IFT88: variants seen among roughly 807,000 people sequenced by gnomAD.
IFT88 encodes intraflagellar transport 88, also known as intraflagellar transport protein 88 homolog.
In IFT88, 74 loss-of-function variants were observed where a neutral mutation model predicts 119.5. The observed-to-expected ratio is 0.62, with a 90% CI of 0.51 to 0.75. The LOEUF (loss-of-function observed/expected upper bound fraction) is 0.75, where lower values mean the gene tolerates loss of function less well. Ranked by LOEUF, IFT88 falls within the 30% of genes least tolerant of loss-of-function variation. IFT88 has a pLI of 0.00. For synonymous variants in IFT88, 279 were observed against 316.7 expected (o/e 0.88, Z 1.26); for missense variants, 961 against 977.7 (o/e 0.98, Z 0.23).
chr13:20,654,281 CGGCCAA>C (rs1022096315), intron 21 of IFT88, among the ~76,000 whole-genome samples: 1 of 152,080 alleles, frequency 6.6e-6, no homozygotes, highest in Non-Finnish European at 1.5e-5. Context: ...CCTGTGTGCT[CGGCCAA>C]ATTTATGACA....
intron 2 of IFT88, among the ~76,000 whole-genome samples, chr13:20,578,574 A>G (rs2037929737): frequency 1.3e-5 from 2 of 151,510 alleles, no homozygotes; most frequent in Admixed American, 1.3e-4. Context: ...TTTGAGACAG[A>G]GTCTCGCTCT....
chr13:20,644,565 C>T (rs142717363), intron 19 of IFT88, among the ~76,000 whole-genome samples: 99 of 151,934 alleles, frequency 6.5e-4, no homozygotes, highest in African/African-American at 2.1e-3. Flanking sequence ...TCTTGAGGCA[C>T]GATTTGCATC....
chr13:20,646,979 A>G (rs1025517189), intron 20 of IFT88, among the ~76,000 whole-genome samples: 2 of 152,014 alleles, frequency 1.3e-5, no homozygotes, highest in African/African-American at 4.8e-5. Context: ...AAGGTAAATT[A>G]TGTAACCAGG....
At chr13:20,596,374 A>G (rs1246426120) in intron 8 of IFT88, 134 bp downstream of exon 8, 1 of 346,880 alleles carries the variant, frequency 2.9e-6, no homozygotes, top group East Asian at 4.5e-5. Context: ...AATTATTTTG[A>G]GAACCAGGAA....
intron 21 of IFT88, among the ~76,000 whole-genome samples, chr13:20,654,233 A>C (rs2052349120): frequency 6.6e-6 from 1 of 152,228 alleles, no homozygotes; most frequent in Non-Finnish European, 1.5e-5. Context: ...TACTGTATAC[A>C]TTATATTTCC....
Position 20,643,497 on chromosome 13 carries a change from A to G in IFT88, c.1725A>G (p.Leu575=). ...MENPSQAIEW[L]MQVVSVIPTD... is the part of the protein sequence containing the mutation. Reference sequence around the variant, plus strand: ...ATCCCAGTCAAGCTATTGAATGGCTAATGCAGGTGGTCAGTGTTATTCCAA... The same window carrying G: ...ATCCCAGTCAAGCTATTGAATGGCTGATGCAGGTGGTCAGTGTTATTCCAA... Residue 575 remains leucine, a synonymous_variant, in exon 19 of 26, where the codon CTA becomes CTG. Transcript: ENST00000351808. 1 of 1,611,544 alleles carries G rather than the reference A, an allele frequency of 6.2e-7. No individual in the cohort carries two copies. Among genetic ancestry groups the G allele is most frequent in the Middle Eastern group, 1.7e-4 (1 of 6,048 alleles).
intron 24 of IFT88, among the ~76,000 whole-genome samples, chr13:20,681,441 G>T (rs1329959995): frequency 6.6e-6 from 1 of 152,266 alleles, no homozygotes; most frequent in East Asian, 1.9e-4. Context: ...TGCACCATTT[G>T]ACAAGTTGGG....
intron 3 of IFT88, among the ~76,000 whole-genome samples, chr13:20,586,252 A>G (rs796475466): frequency 9.2e-5 from 14 of 152,322 alleles, no homozygotes; most frequent in African/African-American, 3.1e-4. Flanking sequence ...GTTATATTAC[A>G]TGGGAAAAAG....
chr13:20,584,164 A>AAAG (rs1457489439), intron 3 of IFT88, among the ~76,000 whole-genome samples: 1 of 151,850 alleles, frequency 6.6e-6, no homozygotes, highest in East Asian at 1.9e-4. Flanking sequence ...TGTAAAAAAA[A>AAAG]AAAATGTCAT....
At chr13:20,607,147 C>T in intron 13 of IFT88, 1 of 412,438 alleles carries the variant, frequency 2.4e-6, no homozygotes, top group South Asian at 1.9e-5. Context: ...TGTGCCACAT[C>T]CTGGTACTGT....
chr13:20,641,468 A>T, intron 18 of IFT88, 70 bp downstream of exon 18: 1 of 924,642 alleles, frequency 1.1e-6, no homozygotes, highest in African/African-American at 1.6e-5. Context: ...CAATTATTAA[A>T]TAAGTTTAAC....
At position 20,625,759 on chromosome 13, in the gene IFT88, A is replaced by G; in HGVS notation, c.1209A>G (p.Glu403=). 1 of 1,599,938 alleles carries G rather than the reference A, an allele frequency of 6.3e-7. No individual in the cohort carries two copies. Among genetic ancestry groups the G allele is most frequent in the South Asian group, 1.1e-5 (1 of 88,316 alleles). Residue 403 remains glutamate (E), a synonymous_variant, in exon 15 of 26, where the codon GAA becomes GAG. Transcript: ENST00000351808. ...SFAAGYDWCV[E]VVKASQYVEL... is the part of the protein sequence containing the mutation. Reference sequence around the variant, plus strand: ...ATGCTTTCCCTTATAGGTGCGTGGAAGTGGTGAAAGCTTCTCAATATGTAG... The same window carrying G: ...ATGCTTTCCCTTATAGGTGCGTGGAGGTGGTGAAAGCTTCTCAATATGTAG...
chr13:20,574,842 G>A (rs1033508273), intron 2 of IFT88, among the ~76,000 whole-genome samples: 2 of 152,098 alleles, frequency 1.3e-5, no homozygotes, highest in African/African-American at 4.8e-5. Context: ...TGAGTACATA[G>A]TAGGTGCATA....
chr13:20,606,627 C>G (rs781033464), intron 13 of IFT88, among the ~76,000 whole-genome samples: 37 of 152,152 alleles, frequency 2.4e-4, no homozygotes, highest in Non-Finnish European at 7.3e-5. Context: ...GCCTGTAGTC[C>G]CAGCACTTTG....
At chr13:20,677,416 C>T (rs2056806930) in intron 24 of IFT88, among the ~76,000 whole-genome samples, 1 of 152,158 alleles carries the variant, frequency 6.6e-6, no homozygotes, top group Non-Finnish European at 1.5e-5. Flanking sequence ...AGTATTATGT[C>T]ATCTGAGCTG....
intron 2 of IFT88, among the ~76,000 whole-genome samples, chr13:20,581,688 TA>T (rs35128938): frequency 0.42 from 64,013 of 151,188 alleles, 14,664 homozygotes; most frequent in Middle Eastern, 0.53. Flanking sequence ...ATCCTGTCTC[TA>T]AAAAAATACA....
chr13:20,619,104 C>G (rs747263230), intron 14 of IFT88, among the ~76,000 whole-genome samples: 17 of 152,080 alleles, frequency 1.1e-4, no homozygotes, highest in Non-Finnish European at 2.4e-4. Flanking sequence ...GATCCACCTG[C>G]CTCGGCCTCC....
At chr13:20,621,279 C>G (rs1173820444) in intron 14 of IFT88, among the ~76,000 whole-genome samples, 1 of 152,082 alleles carries the variant, frequency 6.6e-6, no homozygotes, top group Non-Finnish European at 1.5e-5. Context: ...ACTGGCCAGC[C>G]TGGTCTCAAA....
At chr13:20,596,086 A>AAAATG (rs1853097909) in intron 7 of IFT88, 64 bp from the exon 8 acceptor site, 1 of 468,332 alleles carries the variant, frequency 2.1e-6, no homozygotes, top group African/African-American at 2.1e-5. Flanking sequence ...AAAATAAAAT[A>AAAATG]AATTTTAGTA....
Sources: gnomAD v4.1 joint callset for allele counts (sites outside exome capture counted in the v4.1 genomes callset) on GRCh38, gnomAD v4.1.1 for gene constraint, MANE v1.5 for transcripts, NCBI Gene and HGNC (gene_info 2026-07-23, HGNC 2026-07-21) for gene names.